The following PHRF1 variants were observed in gnomAD, a reference collection of about 807,000 sequenced individuals.
The protein encoded by PHRF1 is PHD and ring finger domains 1.
PHRF1 carries 53 observed loss-of-function variants against 128.9 expected under a neutral mutation model. The ratio of observed to expected loss-of-function variants is 0.41; its 90% CI spans 0.33 to 0.52. The LOEUF is 0.52. PHRF1 is among the 20% of genes least tolerant of loss of function. The probability of loss-of-function intolerance (pLI) is 0.21; values close to 1 mark genes in which losing one functional copy is unlikely to be tolerated. For synonymous variants in PHRF1, 1,178 were observed against 980.6 expected (o/e 1.20, Z -3.76); for missense variants, 2,503 against 2,284.5 (o/e 1.10, Z -1.95).
chr11:602,610 G>A (rs1855690358), intron 10 of PHRF1, among the ~76,000 whole-genome samples: 1 of 151,998 alleles, frequency 6.6e-6, no homozygotes, highest in African/African-American at 2.4e-5. Context: ...AACCCTGGGA[G>A]GCAGAGGTTG....
rs776968095 is a variant in PHRF1, at chr11:611,900, C to T, written c.*123C>T. On this transcript the variant is annotated 3_prime_UTR_variant, in exon 18 of 18. Transcript: ENST00000264555. ...ATGCCCGGGGAGCTGTCGGGAGTGG[C>T]GGGAAATGGGGGGCATCACCATGCC... is the stretch of plus-strand genomic sequence containing the variant. 1.2e-5 allele frequency: 18 copies of T among 1,441,746 alleles called. No homozygotes were observed. Among genetic ancestry groups the T allele is most frequent in the East Asian group, 5.0e-5 (2 of 40,084 alleles). 89.3% of individuals were successfully genotyped at this position (1,441,746 alleles called of 1,614,324 possible).
At chr11:604,340 G>A (rs752905475) in intron 10 of PHRF1, among the ~76,000 whole-genome samples, 1 of 152,234 alleles carries the variant, frequency 6.6e-6, no homozygotes, top group Non-Finnish European at 1.5e-5. Context: ...CCTTGGGAGG[G>A]GCGACGCCTG....
intron 3 of PHRF1, among the ~76,000 whole-genome samples, chr11:582,369 A>T (rs867909589): frequency 2.7e-5 from 4 of 147,400 alleles, no homozygotes; most frequent in African/African-American, 1.0e-4. Flanking sequence ...GGTTCAAGTG[A>T]TTCTCCTGGC....
At chr11:595,209 G>A (rs73396327) in intron 6 of PHRF1, among the ~76,000 whole-genome samples, 3,570 of 152,260 alleles carry the variant, frequency 0.023, 147 homozygotes, top group African/African-American at 0.081. Flanking sequence ...TGTAACCCCC[G>A]ATCCTTGGGA....
chr11:598,092 C>G lies in PHRF1; in HGVS notation c.895-281C>G, dbSNP rs1040520168. On this transcript the variant is annotated intron_variant, in intron 8 of 17. Transcript: ENST00000264555. Reference sequence around the variant, plus strand: ...GGGAGGGGGCTGTCCCTGTCCAGTGCCCTGCCCAGTACCTGCGCCACCCCC... The same window carrying G: ...GGGAGGGGGCTGTCCCTGTCCAGTGGCCTGCCCAGTACCTGCGCCACCCCC... 2.6e-5 allele frequency among the ~76,000 whole-genome samples: 4 copies of G among 152,170 alleles called. No homozygotes were observed. In the East Asian group the frequency reaches 7.7e-4, roughly 29 times the overall value.
chr11:602,573 A>G (rs1277505108), intron 10 of PHRF1, among the ~76,000 whole-genome samples: 2 of 151,756 alleles, frequency 1.3e-5, no homozygotes, highest in East Asian at 2.0e-4. Flanking sequence ...TCCCAGCCTC[A>G]GGAGGCTGAG....
chr11:611,760 C>G lies in PHRF1; in HGVS notation c.4933C>G (p.Gln1645Glu). ...AGAGGCCGGGGAGGAGCCGCCCACG[C>G]AGGGGGCCGAGGGCTGAGGCCAGGC... ...KPEAGEEPPT[Q>E]GAEG Residue 1645 changes from glutamine (Q) to glutamate (E), a missense_variant, in exon 18 of 18, where the codon CAG (glutamine) becomes GAG (glutamate). Physicochemically the swap from Gln to Glu is conservative, Grantham distance 29. Coordinates refer to ENST00000264555, the MANE Select transcript of PHRF1 (RefSeq NM_001286581.2). 1 of 1,608,408 alleles carries G rather than the reference C, an allele frequency of 6.2e-7. No homozygotes were observed. Among genetic ancestry groups the G allele is most frequent in the Non-Finnish European group, 8.5e-7 (1 of 1,177,880 alleles).
chr11:579,363 AG>A (rs1216799146), intron 1 of PHRF1, among the ~76,000 whole-genome samples: 1 of 152,082 alleles, frequency 6.6e-6, no homozygotes, highest in Non-Finnish European at 1.5e-5. Context: ...TCTCCAGGGC[AG>A]GGACTGCATT....
In PHRF1 at chr11:596,948, C is replaced by G; in HGVS notation, c.646C>G (p.Pro216Ala). 3 of 1,613,906 alleles carry G rather than the reference C, an allele frequency of 1.9e-6. No individual in the cohort carries two copies. The highest frequency in any genetic ancestry group is 2.5e-6 in the Non-Finnish European group (3 of 1,179,876). ...GTACCACATGGAATGCTTGGACCCCCCTCTCCAGGAGGTGCCGGTGGACGA... is the reference window on the plus strand; with the variant it reads ...GTACCACATGGAATGCTTGGACCCCGCTCTCCAGGAGGTGCCGGTGGACGA... ...AGYHMECLDPPLQEVPVDEWF... is the reference protein window; with the variant it reads ...AGYHMECLDPALQEVPVDEWF... Residue 216 changes from proline (P) to alanine (A), a missense_variant, in exon 7 of 18, where the codon CCT (proline) becomes GCT (alanine). Pro to Ala is a conservative substitution (Grantham distance 27). Coordinates refer to ENST00000264555, the MANE Select transcript of PHRF1 (RefSeq NM_001286581.2).
Position 610,706 on chromosome 11 carries a change from CGGA to C in PHRF1, c.4627_4629del (p.Glu1543del), listed in dbSNP as rs758340144. The C allele has an allele frequency of 3.7e-5, 59 of 1,603,242 alleles. No individual in the cohort carries two copies. Among genetic ancestry groups the C allele is most frequent in the African/African-American group, 3.1e-4 (23 of 74,916 alleles). The stretch of plus-strand genomic sequence containing the variant: ...AGTCAAGCCACTGCAGCCAGCAACT[CGGA>C]GGAGAAGACCCCGGCCCCCAGGCTA... On this transcript the variant is annotated inframe_deletion, in exon 16 of 18. Coordinates refer to ENST00000264555, the MANE Select transcript of PHRF1 (RefSeq NM_001286581.2).
chr11:585,244 T>A lies in PHRF1; in HGVS notation c.215-2015T>A, dbSNP rs200911468. Among the ~76,000 whole-genome samples the A allele has an allele frequency of 9.4e-4, 140 of 149,462 alleles. 2 individuals are homozygous for A. In the East Asian group the frequency reaches 0.02, roughly 21 times the overall value. Reference sequence around the variant, plus strand: ...GCTTGAGGTAGTAGCCCTTTCCAGCTTGAGGTAGTAGCCCTTTCCAGCTTG... The same window carrying A: ...GCTTGAGGTAGTAGCCCTTTCCAGCATGAGGTAGTAGCCCTTTCCAGCTTG... On this transcript the variant is annotated intron_variant, in intron 3 of 17. Transcript: ENST00000264555.
In PHRF1 at chr11:610,557, C is replaced by T. The variant is rs764047068; in HGVS notation, c.4473C>T (p.Cys1491=). 4.4e-5 allele frequency: 70 copies of T among 1,605,974 alleles called. No homozygotes were observed. Among genetic ancestry groups the T allele is most frequent in the African/African-American group, 1.2e-4 (9 of 74,926 alleles). ...CCCAGCCCTCAAGCATCCCACCCTG[C>T]GCACTGGTCAGCCAGCCCACGGTCC... The part of the protein sequence containing the change: ...APAQPSSIPP[C]ALVSQPTVQF... Residue 1491 remains cysteine, a synonymous_variant, in exon 16 of 18, where the codon TGC becomes TGT. Coordinates refer to ENST00000264555, the MANE Select transcript of PHRF1 (RefSeq NM_001286581.2).
At position 580,554 on chromosome 11, in the gene PHRF1, A is replaced by G. The variant is rs1456443919; in HGVS notation, c.-21-938A>G. 2.0e-5 allele frequency among the ~76,000 whole-genome samples: 3 copies of G among 152,196 alleles called. No homozygotes were observed. The East Asian group carries it at 5.8e-4, about 29-fold the overall frequency. On this transcript the variant is annotated intron_variant, in intron 1 of 17. Coordinates refer to ENST00000264555, the MANE Select transcript of PHRF1 (RefSeq NM_001286581.2). ...GGTCAGAGGAGCCTCCAGGCATCCC[A>G]ACAGTGGCCAGCCTTGGCAGGGAGA... is the stretch of plus-strand genomic sequence containing the variant.
rs202209293 is a variant in PHRF1 at position 610,651 on chromosome 11, G to T, written c.4567G>T (p.Ala1523Ser). 2 of 1,604,172 alleles carry T rather than the reference G, an allele frequency of 1.2e-6. No homozygotes were observed. Among genetic ancestry groups the T allele is most frequent in the South Asian group, 1.1e-5 (1 of 91,074 alleles). ...AGCACAGACCCTGGCCCCAGTGCCC[G>T]CTGCCCTGACCCCAGCCTCAGAGCC... Reference protein sequence around the residue: ...GAAQTLAPVPAALTPASEPAS... With the variant: ...GAAQTLAPVPSALTPASEPAS... The change falls in exon 16 of 18, where the codon GCT becomes TCT. Residue 1523 changes from alanine (A) to serine (S), a missense_variant. By Grantham distance (99) the Ala-to-Ser change is moderately conservative. Coordinates refer to ENST00000264555, the MANE Select transcript of PHRF1 (RefSeq NM_001286581.2).
chr11:608,310 T>C lies in PHRF1; in HGVS notation c.2854T>C (p.Phe952Leu). Residue 952 changes from phenylalanine to leucine, a missense_variant, in exon 14 of 18, where the codon TTC becomes CTC. Coordinates refer to ENST00000264555, the MANE Select transcript of PHRF1 (RefSeq NM_001286581.2). Reference protein sequence around the residue: ...DEEDGASCSTFFGSEERTVTC... With the variant: ...DEEDGASCSTLFGSEERTVTC... ...GGAGGATGGGGCGTCTTGCAGCACCTTCTTTGGCTCTGAGGAGCGGACGGT... is the reference window on the plus strand; with the variant it reads ...GGAGGATGGGGCGTCTTGCAGCACCCTCTTTGGCTCTGAGGAGCGGACGGT... 6.2e-7 allele frequency: 1 copy of C among 1,609,768 alleles called. No homozygotes were observed. The highest frequency in any genetic ancestry group is 1.3e-5 in the African/African-American group (1 of 75,008).
At chr11:600,276 G>T (rs1490483702) in intron 9 of PHRF1, among the ~76,000 whole-genome samples, 1 of 150,316 alleles carries the variant, frequency 6.7e-6, no homozygotes. Flanking sequence ...TTTGAGACAG[G>T]ATCTCATCTT....
In PHRF1 at chr11:611,680, A is replaced by G. The variant is rs760169054; in HGVS notation, c.4853A>G (p.Asn1618Ser). The G allele has an allele frequency of 4.3e-6, 7 of 1,613,206 alleles. No individual in the cohort carries two copies. Among genetic ancestry groups the G allele is most frequent in the South Asian group, 1.1e-5 (1 of 91,090 alleles). The part of the protein sequence containing the change: ...SGEINPVKVA[N>S]LVKAYVDKYR... ...GAGATCAACCCCGTGAAGGTGGCCA[A>G]CCTGGTGAAGGCGTACGTGGACAAG... The change falls in exon 18 of 18, where the codon AAC becomes AGC. Residue 1618 changes from asparagine to serine, a missense_variant. Asn to Ser is a conservative substitution (Grantham distance 46). Transcript: ENST00000264555.
chr11:611,562 C>CTT, intron 17 of PHRF1, 72 bp from the exon 18 acceptor site: 1 of 1,599,308 alleles, frequency 6.3e-7, no homozygotes, highest in Non-Finnish European at 8.5e-7. Context: ...GGGAGCCCAG[C>CTT]TTTGGCCCTG....
chr11:587,113 G>A (rs1313459445), intron 3 of PHRF1, 146 bp from the exon 4 acceptor site: 5 of 716,042 alleles, frequency 7.0e-6, no homozygotes, highest in Non-Finnish European at 1.2e-5. Flanking sequence ...GAGCGTGGAC[G>A]TGGAGGTAAG....
Sources: gnomAD v4.1 joint callset for allele counts (sites outside exome capture counted in the v4.1 genomes callset) on GRCh38, gnomAD v4.1.1 for gene constraint, MANE v1.5 for transcripts, NCBI Gene and HGNC (gene_info 2026-07-23, HGNC 2026-07-21) for gene names.